Variants in DLG2 observed in about 807,000 individuals in gnomAD.
DLG2 encodes discs large MAGUK scaffold protein 2.
DLG2 carries 45 observed loss-of-function variants against 132.5 expected under a neutral mutation model. The observed-to-expected ratio is 0.34, with a 90% CI of 0.27 to 0.44. DLG2 has a LOEUF of 0.44. Among genes scored for constraint, DLG2 ranks in the 20% least tolerant of loss-of-function variants. The pLI is 1.00. For missense variants in DLG2, 1,045 were observed against 1,196.9 expected, an observed-to-expected ratio of 0.87 and a Z score of 1.87; for synonymous variants, 424 against 419.6, an observed-to-expected ratio of 1.01 and a Z score of -0.13.
intron 21 of DLG2, among the ~76,000 whole-genome samples, chr11:83,490,876 G>GAGTC (rs2093802166): frequency 6.6e-6 from 1 of 151,888 alleles, no homozygotes; most frequent in Non-Finnish European, 1.5e-5. Context: ...GTGTAGTCCT[G>GAGTC]AGTCAGAAAA....
intron 3 of DLG2, among the ~76,000 whole-genome samples, chr11:85,428,425 G>A (rs535410460): frequency 1.7e-4 from 26 of 152,252 alleles, no homozygotes; most frequent in Non-Finnish European, 3.4e-4. Flanking sequence ...ATAACAAACT[G>A]TCTCTCAGAC....
intron 6 of DLG2, among the ~76,000 whole-genome samples, chr11:84,709,001 A>ATTTTGTTAC (rs2060079700): frequency 6.6e-6 from 1 of 151,912 alleles, no homozygotes; most frequent in East Asian, 1.9e-4. Flanking sequence ...AGGCACCAAT[A>ATTTTGTTAC]CATCTGGTAA....
At chr11:85,254,130 G>C (rs748859691) in intron 4 of DLG2, among the ~76,000 whole-genome samples, 10 of 152,080 alleles carry the variant, frequency 6.6e-5, no homozygotes, top group Non-Finnish European at 1.0e-4. Flanking sequence ...CCCTCACTGG[G>C]GACCTGCCCA....
intron 2 of DLG2, among the ~76,000 whole-genome samples, chr11:85,608,025 T>C (rs940951661): frequency 2.0e-5 from 3 of 152,158 alleles, no homozygotes; most frequent in Non-Finnish European, 4.4e-5. Flanking sequence ...GGGTGCAGGT[T>C]TTCGAGAATG....
chr11:84,929,009 T>TATAC (rs2047774893), intron 6 of DLG2, among the ~76,000 whole-genome samples: 1 of 131,784 alleles, frequency 7.6e-6, no homozygotes, highest in Non-Finnish European at 1.6e-5. Flanking sequence ...TATATATATA[T>TATAC]ATATATATAT....
chr11:84,516,649 C>T (rs1304518338), intron 7 of DLG2, among the ~76,000 whole-genome samples: 1 of 151,180 alleles, frequency 6.6e-6, no homozygotes, highest in African/African-American at 2.4e-5. Context: ...GAATTAATGC[C>T]AATTCTTCTC....
chr11:83,689,846 C>G (rs1364685011), intron 18 of DLG2, among the ~76,000 whole-genome samples: 2 of 149,484 alleles, frequency 1.3e-5, no homozygotes, highest in Admixed American at 1.3e-4. Flanking sequence ...TTTAAAATCA[C>G]TTTGCATACT....
chr11:84,625,923 A>G (rs1288408510), intron 6 of DLG2, among the ~76,000 whole-genome samples: 1 of 152,190 alleles, frequency 6.6e-6, no homozygotes, highest in Non-Finnish European at 1.5e-5. Context: ...TAAATGTGAA[A>G]TTTAGTGGGA....
intron 3 of DLG2, among the ~76,000 whole-genome samples, chr11:85,363,298 T>G (rs2084296474): frequency 6.6e-6 from 1 of 151,768 alleles, no homozygotes; most frequent in Non-Finnish European, 1.5e-5. Flanking sequence ...TTCCCAGGAG[T>G]TTTTAGTAAG....
At chr11:83,590,561 T>G (rs1265357456) in intron 19 of DLG2, among the ~76,000 whole-genome samples, 2 of 151,574 alleles carry the variant, frequency 1.3e-5, no homozygotes, top group East Asian at 3.9e-4. Flanking sequence ...ATTGACACCC[T>G]AACATCACAA....
At chr11:84,137,806 T>C (rs991317312) in intron 9 of DLG2, among the ~76,000 whole-genome samples, 2 of 152,138 alleles carry the variant, frequency 1.3e-5, no homozygotes, top group Admixed American at 6.6e-5. Context: ...ATTAATTCAA[T>C]AACCTTGAGA....
chr11:84,866,766 C>T (rs1014983891), intron 6 of DLG2, among the ~76,000 whole-genome samples: 8 of 152,096 alleles, frequency 5.3e-5, no homozygotes, highest in African/African-American at 1.9e-4. Context: ...GGTAGTTATA[C>T]CATTTTTTTG....
chr11:84,316,955 G>T, intron 7 of DLG2: 2 of 1,612,770 alleles, frequency 1.2e-6, no homozygotes, highest in Non-Finnish European at 1.7e-6. Flanking sequence ...GGACCCCCCG[G>T]TCCTGTTTGA....
rs1253626829 is a variant in DLG2 at position 84,502,362 on chromosome 11, CTT to C, written c.519+32206_519+32207del. 2.2e-3 allele frequency among the ~76,000 whole-genome samples: 156 copies of C among 71,288 alleles called. 13 individuals are homozygous for C. Among genetic ancestry groups the C allele is most frequent in the Non-Finnish European group, 3.3e-3 (131 of 39,378 alleles). 46.8% of individuals were successfully genotyped at this position (71,288 alleles called of 152,430 possible). ...TCTTTCTTTCTTTCTTTCTTTCTTT[CTT>C]TCTTTCTTTCTTTCTTTCTTTCTTT... is the stretch of plus-strand genomic sequence containing the variant. On this transcript the variant is annotated intron_variant, in intron 7 of 27. Coordinates refer to ENST00000376104, the MANE Select transcript of DLG2 (RefSeq NM_001142699.3).
chr11:84,464,703 TTAAGA>T (rs2099089379), intron 7 of DLG2, among the ~76,000 whole-genome samples: 1 of 151,102 alleles, frequency 6.6e-6, no homozygotes, highest in Non-Finnish European at 1.5e-5. Context: ...TAATATTAAA[TTAAGA>T]TAAAAAGCTT....
At chr11:83,859,243 T>C (rs2154044678) in intron 16 of DLG2, among the ~76,000 whole-genome samples, 1 of 152,262 alleles carries the variant, frequency 6.6e-6, no homozygotes, top group East Asian at 1.9e-4. Context: ...GGGTAACAAG[T>C]AGAGGCTGGA....
At chr11:84,305,898 T>C (rs2098212611) in intron 7 of DLG2, among the ~76,000 whole-genome samples, 1 of 152,186 alleles carries the variant, frequency 6.6e-6, no homozygotes, top group Non-Finnish European at 1.5e-5. Flanking sequence ...ATAGATTTCT[T>C]ATTATGCTTT....
At chr11:84,192,810 A>G (rs1428905695) in intron 8 of DLG2, among the ~76,000 whole-genome samples, 2 of 152,182 alleles carry the variant, frequency 1.3e-5, no homozygotes, top group Non-Finnish European at 2.9e-5. Flanking sequence ...ATTAAACTAT[A>G]TTGACATCTC....
chr11:85,163,202 A>G (rs1483210472), intron 4 of DLG2, among the ~76,000 whole-genome samples: 1 of 149,744 alleles, frequency 6.7e-6, no homozygotes, highest in Non-Finnish European at 1.5e-5. Context: ...CCCTTTATAT[A>G]TATTACACAC....
Sources: gnomAD v4.1 joint callset for allele counts (sites outside exome capture counted in the v4.1 genomes callset) on GRCh38, gnomAD v4.1.1 for gene constraint, MANE v1.5 for transcripts, NCBI Gene and HGNC (gene_info 2026-07-23, HGNC 2026-07-21) for gene names.